TMEM132D: variants seen among roughly 807,000 people sequenced by gnomAD.
TMEM132D encodes mature OL transmembrane protein.
Under a neutral mutation model 62.3 loss-of-function variants are expected in TMEM132D, and 21 were observed. The ratio of observed to expected loss-of-function variants is 0.34; its 90% CI spans 0.24 to 0.49. TMEM132D has a LOEUF of 0.49. Ranked by LOEUF, TMEM132D falls within the 20% of genes least tolerant of loss-of-function variation. The probability of loss-of-function intolerance (pLI) is 0.99; values close to 1 mark genes in which losing one functional copy is unlikely to be tolerated. For synonymous variants in TMEM132D, 621 were observed against 575.6 expected (o/e 1.08, Z -1.13); for missense variants, 1,346 against 1,402.8 (o/e 0.96, Z 0.65).
intron 5 of TMEM132D, among the ~76,000 whole-genome samples, chr12:129,086,613 T>C (rs1874629338): frequency 6.7e-6 from 1 of 150,014 alleles, no homozygotes; most frequent in Non-Finnish European, 1.5e-5. Context: ...TATTTCATTG[T>C]ATATTTATAT....
At chr12:129,399,967 C>T (rs1871570466) in intron 3 of TMEM132D, among the ~76,000 whole-genome samples, 1 of 151,852 alleles carries the variant, frequency 6.6e-6, no homozygotes, top group African/African-American at 2.4e-5. Context: ...AGTAGGAAAA[C>T]ATTATTTCAT....
intron 2 of TMEM132D, among the ~76,000 whole-genome samples, chr12:129,544,118 CT>C (rs1876668349): frequency 6.6e-6 from 1 of 152,194 alleles, no homozygotes; most frequent in African/African-American, 2.4e-5. Context: ...TCTTAAAGTC[CT>C]TGTTTTCTTT....
intron 1 of TMEM132D, among the ~76,000 whole-genome samples, chr12:129,706,325 T>C (rs914331271): frequency 1.3e-5 from 2 of 151,940 alleles, no homozygotes; most frequent in Admixed American, 1.3e-4. Context: ...AGATATTCTA[T>C]AGAGAAAGAA....
intron 3 of TMEM132D, among the ~76,000 whole-genome samples, chr12:129,402,827 G>T (rs947096644): frequency 1.3e-5 from 2 of 152,100 alleles, no homozygotes; most frequent in African/African-American, 4.8e-5. Flanking sequence ...TGAGATTGAG[G>T]ACTGGGTCCT....
intron 3 of TMEM132D, among the ~76,000 whole-genome samples, chr12:129,463,053 G>A (rs1873734410): frequency 6.6e-6 from 1 of 152,148 alleles, no homozygotes; most frequent in Admixed American, 6.5e-5. Context: ...GACACACACA[G>A]GAAAACTGAA....
intron 1 of TMEM132D, among the ~76,000 whole-genome samples, chr12:129,800,946 G>A (rs1593167049): frequency 6.6e-6 from 1 of 152,200 alleles, no homozygotes; most frequent in African/African-American, 2.4e-5. Flanking sequence ...GTTAAAGAAA[G>A]GGGTGACAGA....
intron 1 of TMEM132D, among the ~76,000 whole-genome samples, chr12:129,854,182 A>G (rs1257715286): frequency 6.6e-6 from 1 of 152,150 alleles, no homozygotes; most frequent in Non-Finnish European, 1.5e-5. Flanking sequence ...TTAAGGCTTA[A>G]ACAGTGGTCC....
chr12:129,562,923 C>T (rs550391006), intron 2 of TMEM132D, among the ~76,000 whole-genome samples: 11 of 152,266 alleles, frequency 7.2e-5, no homozygotes, highest in African/African-American at 2.6e-4. Flanking sequence ...CCCCTGTACT[C>T]CAGTAGAACT....
chr12:129,086,612 G>A (rs1874629254), intron 5 of TMEM132D, among the ~76,000 whole-genome samples: 1 of 149,632 alleles, frequency 6.7e-6, no homozygotes, highest in African/African-American at 2.4e-5. Context: ...ATATTTCATT[G>A]TATATTTATA....
intron 2 of TMEM132D, among the ~76,000 whole-genome samples, chr12:129,603,219 CA>C (rs923669467): frequency 1.3e-4 from 20 of 152,154 alleles, no homozygotes; most frequent in Non-Finnish European, 1.8e-4. Flanking sequence ...TGGGTTTGAA[CA>C]AATGTACAAT....
At chr12:129,451,399 A>G (rs1873283465) in intron 3 of TMEM132D, among the ~76,000 whole-genome samples, 1 of 152,152 alleles carries the variant, frequency 6.6e-6, no homozygotes, top group African/African-American at 2.4e-5. Flanking sequence ...TTCTCATGTG[A>G]ACATTTTGCT....
chr12:129,460,695 C>T (rs966705825), intron 3 of TMEM132D, among the ~76,000 whole-genome samples: 15 of 152,268 alleles, frequency 9.9e-5, no homozygotes, highest in African/African-American at 2.2e-4. Context: ...TACCACATGA[C>T]GATGACCAGG....
intron 1 of TMEM132D, among the ~76,000 whole-genome samples, chr12:129,845,848 G>T (rs1178763158): frequency 6.6e-6 from 1 of 152,228 alleles, no homozygotes; most frequent in East Asian, 1.9e-4. Context: ...GAGCAGGGCT[G>T]CTCCACAGGC....
intron 3 of TMEM132D, among the ~76,000 whole-genome samples, chr12:129,409,741 A>G (rs1349201760): frequency 1.3e-5 from 2 of 152,258 alleles, no homozygotes; most frequent in Admixed American, 6.5e-5. Context: ...ACATATTTGA[A>G]CACAATATTA....
At chr12:129,563,214 G>A (rs1593067274) in intron 2 of TMEM132D, among the ~76,000 whole-genome samples, 1 of 152,142 alleles carries the variant, frequency 6.6e-6, no homozygotes, top group South Asian at 2.1e-4. Flanking sequence ...ACTCTCCAAA[G>A]TAATGTTTAA....
intron 1 of TMEM132D, among the ~76,000 whole-genome samples, chr12:129,793,088 T>A (rs1299857363): frequency 2.7e-5 from 4 of 146,816 alleles, no homozygotes; most frequent in South Asian, 2.2e-4. Context: ...TTTTTTTTTT[T>A]AAAGAAATAG....
intron 4 of TMEM132D, among the ~76,000 whole-genome samples, chr12:129,327,905 T>C (rs1005182621): frequency 6.6e-6 from 1 of 152,216 alleles, no homozygotes; most frequent in Non-Finnish European, 1.5e-5. Flanking sequence ...ATGGGGTCTC[T>C]AGTACCCAGC....
At position 129,369,997 on chromosome 12, in the gene TMEM132D, G is replaced by A. The variant is rs187543584; in HGVS notation, c.1116-32180C>T. Among the ~76,000 whole-genome samples, 46 of 152,264 alleles carry A rather than the reference G, an allele frequency of 3.0e-4. 1 individual carries two copies. The East Asian group carries it at 8.7e-3, about 29-fold the overall frequency. ...GGACAGTGGCAGGGGTGGGGGCTGTGGCCAACTGTGGCCCTGATTCATGGG... is the reference window on the plus strand; with the variant it reads ...GGACAGTGGCAGGGGTGGGGGCTGTAGCCAACTGTGGCCCTGATTCATGGG... On this transcript the variant is annotated intron_variant, in intron 3 of 8. Coordinates refer to ENST00000422113, the MANE Select transcript of TMEM132D (RefSeq NM_133448.3).
chr12:129,824,066 C>T (rs1425637022), intron 1 of TMEM132D, among the ~76,000 whole-genome samples: 1 of 152,148 alleles, frequency 6.6e-6, no homozygotes, highest in African/African-American at 2.4e-5. Flanking sequence ...ACAGGTGAGA[C>T]AGCTGAGGCA....
Sources: allele counts gnomAD v4.1 joint callset (sites outside exome capture counted in the v4.1 genomes callset), GRCh38; gene constraint gnomAD v4.1.1; transcripts MANE v1.5; gene names NCBI Gene and HGNC (gene_info 2026-07-23, HGNC 2026-07-21).